The following UFL1 variants were observed in gnomAD, a reference collection of about 807,000 sequenced individuals.
UFL1 encodes UFM1 specific ligase 1, also known as E3 UFM1-protein ligase 1.
In UFL1, 78 loss-of-function variants were observed where a neutral mutation model predicts 99.3. The ratio of observed to expected loss-of-function variants is 0.79; its 90% confidence interval spans 0.65 to 0.95. The LOEUF is 0.95. Among genes scored for constraint, UFL1 ranks in the 40% least tolerant of loss-of-function variants. UFL1 has a pLI of 0.00. For synonymous variants in UFL1, 335 were observed against 322.2 expected (o/e 1.04, Z -0.42); for missense variants, 936 against 937.0 (o/e 1.00, Z 0.01).
chr6:96,533,950 G>C (rs544956544), intron 6 of UFL1, among the ~76,000 whole-genome samples: 1 of 151,778 alleles, frequency 6.6e-6, no homozygotes, highest in East Asian at 1.9e-4. Flanking sequence ...CCCAAGTAAG[G>C]AAAGAGCCTC....
In UFL1 at chr6:96,543,034, A is replaced by G; in HGVS notation, c.1402+18A>G. ...CCACACTGGTAGGTAGCTTTTCTTT[A>G]CTTTTCCTTGGTGTATGTGTGATAT... On this transcript the variant is annotated intron_variant, in intron 12 of 18. Transcript: ENST00000369278. 6.3e-7 allele frequency: 1 copy of G among 1,583,910 alleles called. No individual in the cohort carries two copies. The highest frequency in any genetic ancestry group is 8.6e-7 in the Non-Finnish European group (1 of 1,165,488).
At position 96,523,438 on chromosome 6, in the gene UFL1, A is replaced by G. The variant is rs764284248; in HGVS notation, c.223+147A>G. ...TGTTAATTTGATAATCAGGCTTAATATTTTTACTGGGTTCATGCAAACATG... is the reference window on the plus strand; with the variant it reads ...TGTTAATTTGATAATCAGGCTTAATGTTTTTACTGGGTTCATGCAAACATG... On this transcript the variant is annotated intron_variant, in intron 2 of 18. Coordinates refer to ENST00000369278, the MANE Select transcript of UFL1 (RefSeq NM_015323.5). The G allele has an allele frequency of 2.8e-5, 24 of 870,510 alleles. 1 individual carries two copies. The highest frequency in any genetic ancestry group is 3.5e-5 in the Non-Finnish European group (21 of 605,248). 53.9% of individuals were successfully genotyped at this position (870,510 alleles called of 1,614,324 possible).
At chr6:96,545,895 G>A (rs1170711499) in intron 12 of UFL1, among the ~76,000 whole-genome samples, 2 of 151,032 alleles carry the variant, frequency 1.3e-5, no homozygotes, top group Non-Finnish European at 1.5e-5. Context: ...GCTACTTAAC[G>A]ACAAACCCAC....
At chr6:96,523,122 A>G (rs1309232216) in intron 1 of UFL1, 24 bp from the exon 2 acceptor site, 1 of 1,578,706 alleles carries the variant, frequency 6.3e-7, no homozygotes, top group East Asian at 2.3e-5. Flanking sequence ...GGACTTTTGA[A>G]ACAACTTTTT....
intron 18 of UFL1, 37 bp from the exon 19 acceptor site, chr6:96,553,248 A>C: frequency 6.3e-7 from 1 of 1,578,896 alleles, no homozygotes; most frequent in African/African-American, 1.4e-5. Context: ...ACAAAAAGAT[A>C]AATTGTGTTG....
chr6:96,532,106 T>A (rs1249080798), intron 6 of UFL1, among the ~76,000 whole-genome samples: 1 of 152,222 alleles, frequency 6.6e-6, no homozygotes, highest in Admixed American at 6.5e-5. Flanking sequence ...TATGTAGGTA[T>A]ACTAAATACG....
At chr6:96,525,811 A>G (rs1445241761) in intron 4 of UFL1, among the ~76,000 whole-genome samples, 1 of 152,220 alleles carries the variant, frequency 6.6e-6, no homozygotes. Flanking sequence ...TTAACTCTGA[A>G]AGCAAATTTG....
chr6:96,547,014 T>C (rs533245230), intron 12 of UFL1, among the ~76,000 whole-genome samples: 2 of 151,482 alleles, frequency 1.3e-5, no homozygotes, highest in Non-Finnish European at 3.0e-5. Flanking sequence ...AACTAAAAAG[T>C]TTCTGCACAG....
In UFL1 at chr6:96,553,593, C is replaced by G. The variant is rs1027524499; in HGVS notation, c.*90C>G. ...AAAAAAGTAGTCACTATACAACTCCCCTCTCCCTGCAAAAACCACCTCATA... is the reference window on the plus strand; with the variant it reads ...AAAAAAGTAGTCACTATACAACTCCGCTCTCCCTGCAAAAACCACCTCATA... On this transcript the variant is annotated 3_prime_UTR_variant, in exon 19 of 19. Coordinates refer to ENST00000369278, the MANE Select transcript of UFL1 (RefSeq NM_015323.5). 3.8e-6 allele frequency: 4 copies of G among 1,049,580 alleles called. No homozygotes were observed. Among genetic ancestry groups the G allele is most frequent in the Admixed American group, 2.5e-5 (1 of 39,640 alleles). 65.0% of individuals were successfully genotyped at this position (1,049,580 alleles called of 1,614,324 possible).
At chr6:96,549,910 T>C (rs1770054403) in intron 15 of UFL1, 111 bp downstream of exon 15, 2 of 1,452,012 alleles carry the variant, frequency 1.4e-6, no homozygotes, top group East Asian at 2.3e-5. Flanking sequence ...TGAAAGAGGT[T>C]TGAGGAAAAA....
At chr6:96,539,285 A>G (rs1028911448) in intron 10 of UFL1, among the ~76,000 whole-genome samples, 4 of 151,686 alleles carry the variant, frequency 2.6e-5, no homozygotes. Flanking sequence ...AGCAACTGCT[A>G]TGAAAGTATT....
intron 2 of UFL1, 113 bp downstream of exon 2, chr6:96,523,404 G>T: frequency 8.8e-7 from 1 of 1,132,166 alleles, no homozygotes; most frequent in Non-Finnish European, 1.2e-6. Context: ...GTAAGATATC[G>T]TTTTCAATTG....
intron 1 of UFL1, among the ~76,000 whole-genome samples, chr6:96,522,304 A>T (rs1481031556): frequency 6.6e-6 from 1 of 150,992 alleles, no homozygotes; most frequent in Non-Finnish European, 1.5e-5. Context: ...GCTATTATAC[A>T]CTTCCTGATC....
At chr6:96,523,626 A>T (rs1334679556) in intron 2 of UFL1, among the ~76,000 whole-genome samples, 1 of 152,184 alleles carries the variant, frequency 6.6e-6, no homozygotes, top group African/African-American at 2.4e-5. Context: ...GGTAATTGTG[A>T]AGGGGGACAG....
chr6:96,529,837 G>T (rs756501641), intron 6 of UFL1, among the ~76,000 whole-genome samples: 1 of 152,192 alleles, frequency 6.6e-6, no homozygotes, highest in Admixed American at 6.5e-5. Context: ...TAGAAGGAGA[G>T]CATGTATTCT....
chr6:96,547,561 ACCAGCCTAAGT>A (rs1770017788), intron 12 of UFL1, among the ~76,000 whole-genome samples: 1 of 151,712 alleles, frequency 6.6e-6, no homozygotes, highest in Non-Finnish European at 1.5e-5. Flanking sequence ...AAGTCATAGA[ACCAGCCTAAGT>A]GTCCACCAAT....
At chr6:96,534,426 T>G in intron 7 of UFL1, 105 bp downstream of exon 7, 2 of 883,616 alleles carry the variant, frequency 2.3e-6, no homozygotes, top group South Asian at 5.1e-5. Flanking sequence ...TTAATGTAAC[T>G]AAAATATTTC....
chr6:96,542,068 GTAATA>G lies in UFL1; in HGVS notation c.1280-818_1280-814del, dbSNP rs71722678. On this transcript the variant is annotated intron_variant, in intron 11 of 18. Coordinates refer to ENST00000369278, the MANE Select transcript of UFL1 (RefSeq NM_015323.5). ...AGACTAATCTTTTACTTATTTTGAA[GTAATA>G]TAATATAGTTGTAATATGTTCAATG... is the stretch of plus-strand genomic sequence containing the variant. 5.2e-4 allele frequency among the ~76,000 whole-genome samples: 78 copies of G among 151,262 alleles called. No homozygotes were observed. In the East Asian group the frequency reaches 0.014, roughly 26 times the overall value.
At chr6:96,546,920 A>T (rs899056095) in intron 12 of UFL1, among the ~76,000 whole-genome samples, 3 of 151,638 alleles carry the variant, frequency 2.0e-5, no homozygotes, top group African/African-American at 7.2e-5. Flanking sequence ...AATCTTCTGG[A>T]CATTGGCCTA....
Sources: allele counts gnomAD v4.1 joint callset (sites outside exome capture counted in the v4.1 genomes callset), GRCh38; gene constraint gnomAD v4.1.1; transcripts MANE v1.5; gene names NCBI Gene and HGNC (gene_info 2026-07-23, HGNC 2026-07-21).